Variants in PLA2G4C observed in about 807,000 individuals in gnomAD.
PLA2G4C encodes the protein cytosolic phospholipase A2 gamma.
A neutral mutation model predicts 73.8 loss-of-function variants in PLA2G4C; 64 were observed. That is an observed-to-expected ratio of 0.87 (90% confidence interval 0.71 to 1.07). The LOEUF (loss-of-function observed/expected upper bound fraction) is 1.07. PLA2G4C is among the 50% of genes least tolerant of loss of function. The probability of loss-of-function intolerance (pLI) is 0.00; values close to 1 mark genes in which losing one functional copy is unlikely to be tolerated. For missense variants in PLA2G4C, 622 were observed against 665.4 expected, an observed-to-expected ratio of 0.93 and a Z score of 0.72; for synonymous variants, 254 against 252.1, an observed-to-expected ratio of 1.01 and a Z score of -0.07.
At chr19:48,078,748 A>G (rs11564592) in intron 10 of PLA2G4C, among the ~76,000 whole-genome samples, 13,933 of 152,026 alleles carry the variant, frequency 0.092, 953 homozygotes, top group East Asian at 0.27. Context: ...AACACATCCC[A>G]TGCTCATGGA....
At chr19:48,079,787 C>T (rs553782734) in intron 10 of PLA2G4C, among the ~76,000 whole-genome samples, 2 of 152,248 alleles carry the variant, frequency 1.3e-5, no homozygotes, top group East Asian at 3.9e-4. Context: ...ATGACGAAAC[C>T]CCATCTCTAT....
intron 7 of PLA2G4C, among the ~76,000 whole-genome samples, chr19:48,094,419 C>G (rs2031466956): frequency 6.6e-6 from 1 of 152,160 alleles, no homozygotes; most frequent in Non-Finnish European, 1.5e-5. Flanking sequence ...GTATCAGGCT[C>G]CTAGTGTGTC....
rs2032203197 is a variant in PLA2G4C, at chr19:48,105,944, TCCC to T, written c.9-503_9-501del. Among the ~76,000 whole-genome samples the T allele has an allele frequency of 5.8e-4, 20 of 34,462 alleles. 3 individuals carry two copies. The highest frequency in any genetic ancestry group is 7.3e-4 in the Non-Finnish European group (15 of 20,498). The allele number at this position is 34,462 out of a possible 152,430, so 22.6% of individuals were successfully genotyped here. Reference sequence around the variant, plus strand: ...CTCCCTCCCTCCCTCCCTCCCTCCCTCCCTTCTTTCTTTCTTTCTTTCTTTCTT... The same window carrying T: ...CTCCCTCCCTCCCTCCCTCCCTCCCTTTCTTTCTTTCTTTCTTTCTTTCTT... On this transcript the variant is annotated intron_variant, in intron 2 of 16. Transcript: ENST00000599921.
intron 12 of PLA2G4C, among the ~76,000 whole-genome samples, chr19:48,071,448 G>A (rs775961486): frequency 5.9e-5 from 9 of 151,480 alleles, no homozygotes; most frequent in Non-Finnish European, 1.2e-4. Context: ...GTGCCACCAC[G>A]CCCGGCGAAT....
chr19:48,057,636 C>T (rs376259209), intron 14 of PLA2G4C, among the ~76,000 whole-genome samples: 65 of 149,964 alleles, frequency 4.3e-4, no homozygotes, highest in African/African-American at 1.5e-3. Flanking sequence ...ATTACAGGCA[C>T]GTGCCACCAT....
At chr19:48,054,173 C>T (rs1245853626) in intron 15 of PLA2G4C, among the ~76,000 whole-genome samples, 1 of 152,180 alleles carries the variant, frequency 6.6e-6, no homozygotes, top group Non-Finnish European at 1.5e-5. Context: ...GCTGTGTCCC[C>T]ACCCAAATCT....
intron 9 of PLA2G4C, among the ~76,000 whole-genome samples, chr19:48,087,067 C>T (rs192211290): frequency 1.3e-5 from 2 of 152,318 alleles, no homozygotes; most frequent in East Asian, 3.9e-4. Flanking sequence ...GGAACAATAA[C>T]ACTCACTGTA....
chr19:48,056,022 C>G (rs186481744), intron 14 of PLA2G4C, among the ~76,000 whole-genome samples: 1 of 152,090 alleles, frequency 6.6e-6, no homozygotes, highest in Non-Finnish European at 1.5e-5. Context: ...AAAGGTGACA[C>G]CATGGGGAAA....
intron 7 of PLA2G4C, among the ~76,000 whole-genome samples, chr19:48,091,719 T>C (rs2031308205): frequency 6.6e-6 from 1 of 151,502 alleles, no homozygotes; most frequent in South Asian, 2.1e-4. Context: ...TGAAACCCTA[T>C]CTCTACTAAA....
intron 4 of PLA2G4C, among the ~76,000 whole-genome samples, chr19:48,101,471 C>T (rs1379324419): frequency 3.9e-5 from 6 of 151,928 alleles, no homozygotes; most frequent in African/African-American, 1.2e-4. Context: ...TGCTGCTTAT[C>T]GGGTGCTATC....
Position 48,048,161 on chromosome 19 carries a change from T to C in PLA2G4C, c.*182A>G, listed in dbSNP as rs1005489041. ...CTTCAGCTCCTTGGACGCCTTCTTCTGAATGACGCTATCAAAATCACAGTC... is the reference window on the plus strand; with the variant it reads ...CTTCAGCTCCTTGGACGCCTTCTTCCGAATGACGCTATCAAAATCACAGTC... On this transcript the variant is annotated 3_prime_UTR_variant, in exon 17 of 17. Coordinates refer to ENST00000599921, the MANE Select transcript of PLA2G4C (RefSeq NM_003706.3). The C allele has an allele frequency of 3.6e-6, 2 of 563,044 alleles. No homozygotes were observed. The highest frequency in any genetic ancestry group is 3.1e-6 in the Non-Finnish European group (1 of 322,892). The allele number at this position is 563,044 out of a possible 1,614,324, so 34.9% of individuals were successfully genotyped here. A position where few individuals can be genotyped will look rare whatever the true frequency, so the allele number is the denominator to read the frequency against.
chr19:48,108,421 C>T (rs776829210), intron 1 of PLA2G4C, among the ~76,000 whole-genome samples: 2 of 152,200 alleles, frequency 1.3e-5, no homozygotes, highest in Non-Finnish European at 2.9e-5. Context: ...CAGGTGTTAG[C>T]TACCACACCC....
chr19:48,070,623 C>A (rs1354008588), intron 12 of PLA2G4C, among the ~76,000 whole-genome samples: 1 of 152,188 alleles, frequency 6.6e-6, no homozygotes, highest in African/African-American at 2.4e-5. Context: ...AGCCATTATC[C>A]TCAGCAAACT....
chr19:48,098,678 A>G (rs1860966186), intron 5 of PLA2G4C, among the ~76,000 whole-genome samples: 1 of 128,880 alleles, frequency 7.8e-6, no homozygotes, highest in African/African-American at 2.9e-5. Flanking sequence ...CAGGATTTGG[A>G]GACCACCCCG....
Position 48,054,863 on chromosome 19 carries a change from C to A in PLA2G4C, c.1429+15G>T. On this transcript the variant is annotated intron_variant, in intron 15 of 16. Transcript: ENST00000599921. ...AATACAGGTGGCTTCTCACCTGCTC[C>A]TCCCCTGCACCTACCTCCACAGGCA... The A allele has an allele frequency of 6.2e-7, 1 of 1,613,180 alleles. No homozygotes were observed. The highest frequency in any genetic ancestry group is 8.5e-7 in the Non-Finnish European group (1 of 1,179,330).
chr19:48,092,837 T>C (rs1347399640), intron 7 of PLA2G4C, among the ~76,000 whole-genome samples: 1 of 152,206 alleles, frequency 6.6e-6, no homozygotes, highest in Non-Finnish European at 1.5e-5. Context: ...TGGATGGCAG[T>C]GATGGTTGCA....
At position 48,098,406 on chromosome 19, in the gene PLA2G4C, G is replaced by A. The variant is rs2031719101; in HGVS notation, c.448-147C>T. The A allele has an allele frequency of 2.0e-5, 12 of 610,610 alleles. No homozygotes were observed. The South Asian group carries it at 3.2e-4, about 16-fold the overall frequency. The allele number at this position is 610,610 out of a possible 1,614,324, so 37.8% of individuals were successfully genotyped here. A position where few individuals can be genotyped will look rare whatever the true frequency, so the allele number is the denominator to read the frequency against. On this transcript the variant is annotated intron_variant, in intron 5 of 16. Transcript: ENST00000599921. ...AGTGGTACAATAATGGGCCACTACA[G>A]CCTCAACCTCCTGGGCTCAAGCAAT... is the stretch of plus-strand genomic sequence containing the variant.
At chr19:48,096,841 A>AT (rs1435609910) in intron 6 of PLA2G4C, 5 of 152,054 alleles carry the variant, frequency 3.3e-5, no homozygotes, top group African/African-American at 1.2e-4. Context: ...AATCGGACCT[A>AT]TGGAGAAGGA....
intron 14 of PLA2G4C, among the ~76,000 whole-genome samples, chr19:48,058,268 C>T (rs902930998): frequency 2.0e-5 from 3 of 151,180 alleles, no homozygotes; most frequent in Non-Finnish European, 4.4e-5. Flanking sequence ...CATTGCACTC[C>T]AGCCCGGGCA....
Sources: gnomAD v4.1 joint callset for allele counts (sites outside exome capture counted in the v4.1 genomes callset) on GRCh38, gnomAD v4.1.1 for gene constraint, MANE v1.5 for transcripts, NCBI Gene and HGNC (gene_info 2026-07-23, HGNC 2026-07-21) for gene names.